PPP4R4: variants seen among roughly 807,000 people sequenced by gnomAD.
The protein encoded by PPP4R4 is protein phosphatase 4 regulatory subunit 4, also known as serine/threonine-protein phosphatase 4 regulatory subunit 4.
A neutral mutation model predicts 121.8 loss-of-function variants in PPP4R4; 70 were observed. That is an observed-to-expected ratio of 0.57 (90% CI 0.47 to 0.70). The LOEUF (loss-of-function observed/expected upper bound fraction) is 0.70. Ranked by LOEUF, PPP4R4 falls within the 30% of genes least tolerant of loss-of-function variation. The pLI is 0.00. For synonymous variants in PPP4R4, 348 were observed against 355.7 expected (o/e 0.98, Z 0.24); for missense variants, 875 against 1,033.6 (o/e 0.85, Z 2.10).
intron 21 of PPP4R4, 91 bp downstream of exon 21, chr14:94,265,564 T>C: frequency 9.0e-7 from 1 of 1,112,152 alleles, no homozygotes. Context: ...TGAGATACAG[T>C]AGGATAATAT....
At chr14:94,189,212 G>A (rs1200903475) in intron 2 of PPP4R4, among the ~76,000 whole-genome samples, 2 of 152,136 alleles carry the variant, frequency 1.3e-5, no homozygotes, top group Non-Finnish European at 2.9e-5. Flanking sequence ...ATAGTAACTA[G>A]CTGGTTGACC....
chr14:94,275,770 G>A (rs1274381354), intron 24 of PPP4R4, among the ~76,000 whole-genome samples: 1 of 152,146 alleles, frequency 6.6e-6, no homozygotes, highest in Non-Finnish European at 1.5e-5. Flanking sequence ...ACTAATGTCT[G>A]AAATCTATTT....
At chr14:94,237,865 G>A (rs1892426315) in intron 8 of PPP4R4, among the ~76,000 whole-genome samples, 179 bp downstream of exon 8, 1 of 152,254 alleles carries the variant, frequency 6.6e-6, no homozygotes, top group African/African-American at 2.4e-5. Flanking sequence ...CCCTCATGGT[G>A]TCGTAGTCCA....
intron 2 of PPP4R4, among the ~76,000 whole-genome samples, chr14:94,197,811 G>A (rs1201435358): frequency 6.6e-6 from 1 of 152,134 alleles, no homozygotes; most frequent in Admixed American, 6.5e-5. Flanking sequence ...AAAACATACA[G>A]TAGTATTATT....
intron 3 of PPP4R4, among the ~76,000 whole-genome samples, chr14:94,229,151 C>G (rs1241358269): frequency 6.6e-6 from 1 of 152,030 alleles, no homozygotes; most frequent in Non-Finnish European, 1.5e-5. Context: ...CCTCAGGCTA[C>G]AGTATAGAGA....
chr14:94,194,778 T>A (rs1889780145), intron 2 of PPP4R4, among the ~76,000 whole-genome samples: 1 of 152,136 alleles, frequency 6.6e-6, no homozygotes, highest in South Asian at 2.1e-4. Flanking sequence ...AATACTTGGT[T>A]TATTTATACT....
At chr14:94,176,581 G>A (rs906031559) in intron 2 of PPP4R4, among the ~76,000 whole-genome samples, 14 of 152,104 alleles carry the variant, frequency 9.2e-5, no homozygotes, top group African/African-American at 3.1e-4. Flanking sequence ...TACTTTTGCC[G>A]TGCAAGCTTT....
chr14:94,230,678 C>T lies in PPP4R4; in HGVS notation c.386C>T (p.Ala129Val), dbSNP rs1891973013. The change falls in exon 4 of 25, where the codon GCA (alanine) becomes GTA (valine). Residue 129 changes from alanine to valine, a missense_variant. Coordinates refer to ENST00000304338, the MANE Select transcript of PPP4R4 (RefSeq NM_058237.2). ...CAGGACGAATCAGTGTCAATTCATG[C>T]ATATACCCACTCATTCCTCCAAGTC... The part of the protein sequence containing the change: ...ILQDESVSIH[A>V]YTHSFLQVIL... 1.2e-6 allele frequency: 2 copies of T among 1,612,964 alleles called. No homozygotes were observed. The highest frequency in any genetic ancestry group is 2.7e-5 in the African/African-American group (2 of 74,904).
rs74074240 is a variant in PPP4R4, at chr14:94,197,810, A to G, written c.192-10654A>G. 3.0e-3 allele frequency among the ~76,000 whole-genome samples: 463 copies of G among 152,334 alleles called. 2 individuals are homozygous for G. Among genetic ancestry groups the G allele is most frequent in the African/African-American group, 0.011 (448 of 41,576 alleles). On this transcript the variant is annotated intron_variant, in intron 2 of 24. Transcript: ENST00000304338. Reference sequence around the variant, plus strand: ...TGATTTTCTGTAAGTGAAAACATACAGTAGTATTATTTTTTTTGTATGGCT... The same window carrying G: ...TGATTTTCTGTAAGTGAAAACATACGGTAGTATTATTTTTTTTGTATGGCT...
chr14:94,231,138 A>G (rs1892009250), intron 4 of PPP4R4, 104 bp from the exon 5 acceptor site: 2 of 850,758 alleles, frequency 2.4e-6, no homozygotes, highest in Admixed American at 2.5e-5. Flanking sequence ...GAAAATAATT[A>G]TTTCCATTTT....
chr14:94,207,960 T>A (rs556429298), intron 2 of PPP4R4, among the ~76,000 whole-genome samples: 2 of 152,008 alleles, frequency 1.3e-5, no homozygotes, highest in East Asian at 3.9e-4. Context: ...CTTTAAGAAG[T>A]TTCTGACATG....
rs1272809158 is a variant in PPP4R4, at chr14:94,182,450, GGTA to G, written c.191+6325_191+6327del. Among the ~76,000 whole-genome samples the G allele has an allele frequency of 8.5e-5, 13 of 152,086 alleles. No individual in the cohort carries two copies. In the South Asian group the frequency reaches 1.7e-3, roughly 19 times the overall value. On this transcript the variant is annotated intron_variant, in intron 2 of 24. Transcript: ENST00000304338. ...CCAGTGCCCTGTACTTCCTGCAAAG[GGTA>G]GCTACTCTACTGACTTCTAACACTA...
At chr14:94,261,671 C>T (rs1363503969) in intron 19 of PPP4R4, among the ~76,000 whole-genome samples, 1 of 151,982 alleles carries the variant, frequency 6.6e-6, no homozygotes, top group Non-Finnish European at 1.5e-5. Flanking sequence ...TTCAGTCTTT[C>T]ATCATCAGGT....
intron 3 of PPP4R4, among the ~76,000 whole-genome samples, chr14:94,222,386 A>G (rs1002897896): frequency 5.3e-5 from 8 of 151,756 alleles, no homozygotes; most frequent in African/African-American, 1.9e-4. Context: ...TTTCATTGGT[A>G]TTTTTACCCT....
chr14:94,213,568 G>A (rs1890855308), intron 3 of PPP4R4, among the ~76,000 whole-genome samples: 1 of 152,152 alleles, frequency 6.6e-6, no homozygotes, highest in African/African-American at 2.4e-5. Context: ...GATTATCCTG[G>A]ATTATTGGGG....
rs114442446 is a variant in PPP4R4 at position 94,275,405 on chromosome 14, C to T, written c.2481C>T (p.Ser827=). The change falls in exon 24 of 25, where the codon AGC becomes AGT. Residue 827 remains serine (S), a synonymous_variant. Transcript: ENST00000304338. The part of the protein sequence containing the change: ...DDSFRTRNAS[S]VPSSFSPNTP... ...CATTCCGGACTCGTAATGCCAGTAG[C>T]GTTCCATCTTCCTTTTCTCCTAATA... 21 of 1,613,830 alleles carry T rather than the reference C, an allele frequency of 1.3e-5. No individual in the cohort carries two copies. The highest frequency in any genetic ancestry group is 6.6e-5 in the South Asian group (6 of 91,086).
chr14:94,177,411 T>A (rs373255876), intron 2 of PPP4R4, among the ~76,000 whole-genome samples: 4 of 152,248 alleles, frequency 2.6e-5, no homozygotes, highest in Non-Finnish European at 5.9e-5. Flanking sequence ...TTTCATATTG[T>A]GTTATATTTG....
At chr14:94,275,338 AT>A in intron 23 of PPP4R4, 35 bp from the exon 24 acceptor site, 1 of 1,607,906 alleles carries the variant, frequency 6.2e-7, no homozygotes, top group Non-Finnish European at 8.5e-7. Context: ...TTGTTAGTAT[AT>A]TTGGTATGTC....
chr14:94,204,753 T>C (rs1375044443), intron 2 of PPP4R4, among the ~76,000 whole-genome samples: 1 of 152,116 alleles, frequency 6.6e-6, no homozygotes, highest in Non-Finnish European at 1.5e-5. Context: ...TCTTTCAGCA[T>C]TGTGTATTTT....
Sources: allele counts gnomAD v4.1 joint callset (sites outside exome capture counted in the v4.1 genomes callset), GRCh38; gene constraint gnomAD v4.1.1; transcripts MANE v1.5; gene names NCBI Gene and HGNC (gene_info 2026-07-23, HGNC 2026-07-21).